Variants in MITF observed in about 807,000 individuals in gnomAD.
MITF encodes microphthalmia-associated transcription factor.
A neutral mutation model predicts 60.5 loss-of-function variants in MITF; 17 were observed. That is an observed-to-expected ratio of 0.28 (90% CI 0.19 to 0.42). The LOEUF is 0.42. Ranked by LOEUF, MITF falls within the 10% of genes least tolerant of loss-of-function variation. The pLI is 1.00. For synonymous variants in MITF, 260 were observed against 248.5 expected (o/e 1.05, Z -0.43); for missense variants, 622 against 683.5 (o/e 0.91, Z 1.00).
rs1184130537 is a variant in MITF at position 69,938,164 on chromosome 3, G to A, written c.582+115G>A. 8 of 1,266,380 alleles carry A rather than the reference G, an allele frequency of 6.3e-6. No individual in the cohort carries two copies. In the African/African-American group the frequency reaches 7.4e-5, roughly 12 times the overall value. The allele number at this position is 1,266,380 out of a possible 1,614,324, so 78.4% of individuals were successfully genotyped here. A position where few individuals can be genotyped will look rare whatever the true frequency, so the allele number is the denominator to read the frequency against. On this transcript the variant is annotated intron_variant, in intron 3 of 9. Transcript: ENST00000352241. ...TTTGTCCTTGTGGCCACATTTACCA[G>A]CCTTTGTCCCCGATTCACCATCGTG...
At chr3:69,781,521 C>T (rs1054024614) in intron 1 of MITF, among the ~76,000 whole-genome samples, 2 of 152,122 alleles carry the variant, frequency 1.3e-5, no homozygotes, top group African/African-American at 4.8e-5. Context: ...GGGCCCTGTG[C>T]ACCTGCATAG....
chr3:69,840,499 G>C (rs1156765377), intron 1 of MITF, among the ~76,000 whole-genome samples: 1 of 151,562 alleles, frequency 6.6e-6, no homozygotes, highest in Admixed American at 6.6e-5. Context: ...TTGGCACCTC[G>C]GAAAGGGAAG....
rs1377544131 is a variant in MITF at position 69,739,555 on chromosome 3, C to T, written c.-43C>T. Reference sequence around the variant, plus strand: ...GCTACCTTCCCTCCGCCCCCGGGCTCTGTTCTCACTTTCCAGCAGTGGAAG... The same window carrying T: ...GCTACCTTCCCTCCGCCCCCGGGCTTTGTTCTCACTTTCCAGCAGTGGAAG... On this transcript the variant is annotated 5_prime_UTR_variant, in exon 1 of 10. Transcript: ENST00000352241. 6 of 1,523,100 alleles carry T rather than the reference C, an allele frequency of 3.9e-6. No individual in the cohort carries two copies. Among genetic ancestry groups the T allele is most frequent in the South Asian group, 1.2e-5 (1 of 83,586 alleles). 94.3% of individuals were successfully genotyped at this position (1,523,100 alleles called of 1,614,324 possible).
chr3:69,769,431 A>T (rs1054117059), intron 1 of MITF: 3 of 151,716 alleles, frequency 2.0e-5, no homozygotes, highest in Non-Finnish European at 1.5e-5. Context: ...TCTTTCTGAA[A>T]GTTAGGGCTT....
chr3:69,936,689 C>T (rs751771761), intron 2 of MITF: 2 of 1,613,166 alleles, frequency 1.2e-6, no homozygotes, highest in Non-Finnish European at 1.7e-6. Flanking sequence ...AGTCTACCGT[C>T]TCTCACTGGA....
intron 1 of MITF, among the ~76,000 whole-genome samples, chr3:69,749,387 G>A (rs1357577041): frequency 2.0e-5 from 3 of 152,200 alleles, no homozygotes; most frequent in Non-Finnish European, 4.4e-5. Context: ...TTATTTCAGT[G>A]TTAGTTTTGC....
At chr3:69,827,446 A>G (rs1445204370) in intron 1 of MITF, among the ~76,000 whole-genome samples, 1 of 152,230 alleles carries the variant, frequency 6.6e-6, no homozygotes, top group African/African-American at 2.4e-5. Context: ...CATTTGGGAC[A>G]TATTTGTCTT....
chr3:69,866,646 G>A (rs996522978), intron 1 of MITF, among the ~76,000 whole-genome samples: 3 of 152,100 alleles, frequency 2.0e-5, no homozygotes, highest in South Asian at 2.1e-4. Flanking sequence ...CAAAAATACC[G>A]CGACTGCTTG....
At chr3:69,833,510 A>G (rs769358080) in intron 1 of MITF, among the ~76,000 whole-genome samples, 1 of 151,852 alleles carries the variant, frequency 6.6e-6, no homozygotes, top group Non-Finnish European at 1.5e-5. Context: ...TTTACACTGT[A>G]TGTGGTTGTT....
intron 2 of MITF, among the ~76,000 whole-genome samples, chr3:69,894,615 G>A (rs2064832241): frequency 1.3e-5 from 2 of 151,656 alleles, no homozygotes; most frequent in South Asian, 4.2e-4. Context: ...GAACCCAGGA[G>A]GCAGAGGTTG....
chr3:69,788,997 G>T (rs1168363232), intron 1 of MITF, among the ~76,000 whole-genome samples: 1 of 152,048 alleles, frequency 6.6e-6, no homozygotes, highest in Admixed American at 6.5e-5. Context: ...ACTCCTAGAA[G>T]AAGATGTATG....
intron 1 of MITF, chr3:69,758,709 A>G: frequency 4.9e-6 from 1 of 204,760 alleles, no homozygotes; most frequent in Non-Finnish European, 1.0e-5. Context: ...TGTTTGTTGA[A>G]TAAAGAATGA....
At chr3:69,964,683 A>T (rs1331424733) in intron 9 of MITF, among the ~76,000 whole-genome samples, 164 bp from the exon 10 acceptor site, 1 of 147,788 alleles carries the variant, frequency 6.8e-6, no homozygotes, top group Non-Finnish European at 1.5e-5. Flanking sequence ...TTATCCTCCA[A>T]AGTCTATACT....
chr3:69,858,006 T>A (rs567043241), intron 1 of MITF, among the ~76,000 whole-genome samples: 1 of 152,154 alleles, frequency 6.6e-6, no homozygotes, highest in Admixed American at 6.5e-5. Flanking sequence ...GTAATTAATA[T>A]GTAGTAAATG....
intron 1 of MITF, among the ~76,000 whole-genome samples, chr3:69,839,278 G>C (rs1173527953): frequency 6.6e-6 from 1 of 151,016 alleles, no homozygotes; most frequent in South Asian, 2.1e-4. Flanking sequence ...AATGAGCTTT[G>C]TAGTGATCTC....
At chr3:69,953,100 G>C (rs2066297182) in intron 7 of MITF, among the ~76,000 whole-genome samples, 1 of 152,086 alleles carries the variant, frequency 6.6e-6, no homozygotes, top group Non-Finnish European at 1.5e-5. Context: ...TACTTTAAAA[G>C]CTACACCCCT....
chr3:69,818,418 C>T (rs2063215197), intron 1 of MITF, among the ~76,000 whole-genome samples: 1 of 152,132 alleles, frequency 6.6e-6, no homozygotes, highest in African/African-American at 2.4e-5. Flanking sequence ...TCTAGTGGAC[C>T]GCTCTACATC....
chr3:69,892,543 T>C (rs2064783127), intron 2 of MITF, among the ~76,000 whole-genome samples: 1 of 152,230 alleles, frequency 6.6e-6, no homozygotes, highest in African/African-American at 2.4e-5. Flanking sequence ...GATAGTATCA[T>C]AGACAGTATT....
intron 2 of MITF, among the ~76,000 whole-genome samples, chr3:69,881,940 C>T (rs1323027491): frequency 2.0e-5 from 3 of 152,100 alleles, no homozygotes; most frequent in Non-Finnish European, 2.9e-5. Context: ...ATTAGTCACA[C>T]TTGCATGCAC....
Sources: allele counts gnomAD v4.1 joint callset (sites outside exome capture counted in the v4.1 genomes callset), GRCh38; gene constraint gnomAD v4.1.1; transcripts MANE v1.5; gene names NCBI Gene and HGNC (gene_info 2026-07-23, HGNC 2026-07-21).